POLE: variants seen among roughly 807,000 people sequenced by gnomAD.
POLE encodes the protein DNA polymerase epsilon catalytic subunit A.
Under a neutral mutation model 279.2 loss-of-function variants are expected in POLE, and 188 were observed. That is an observed-to-expected ratio of 0.67 (90% CI 0.60 to 0.76). The LOEUF (loss-of-function observed/expected upper bound fraction) is 0.76, where lower values mean the gene tolerates loss of function less well. POLE is among the 30% of genes least tolerant of loss of function. The pLI, the probability that POLE is intolerant of heterozygous loss-of-function variation, is 0.00. For missense variants in POLE, 2,703 were observed against 3,016.7 expected, an observed-to-expected ratio of 0.90 and a Z score of 2.44; for synonymous variants, 1,214 against 1,172.5, an observed-to-expected ratio of 1.04 and a Z score of -0.72.
At chr12:132,641,166 C>T in intron 39 of POLE, 1 of 428,718 alleles carries the variant, frequency 2.3e-6, no homozygotes, top group South Asian at 1.7e-5. Context: ...TCCTGGTACA[C>T]AGCAAGCATT....
Position 132,634,486 on chromosome 12 carries a change from A to C in POLE, c.5812-108T>G. 3 of 1,071,030 alleles carry C rather than the reference A, an allele frequency of 2.8e-6. No homozygotes were observed. The highest frequency in any genetic ancestry group is 4.1e-6 in the Non-Finnish European group (3 of 727,192). The allele number at this position is 1,071,030 out of a possible 1,614,324, so 66.3% of individuals were successfully genotyped here. On this transcript the variant is annotated intron_variant, in intron 42 of 48. Transcript: ENST00000320574. The surrounding 1 kb of genome is among the most constrained non-coding windows in gnomAD (Gnocchi z 4.0). ...AACCTGGGTCCATCTGCCCCGTTTG[A>C]CCAGAGGCCTTCCTCGCAGTCAAGG...
intron 41 of POLE, among the ~76,000 whole-genome samples, chr12:132,637,096 A>G (rs2042049844): frequency 6.6e-6 from 1 of 152,234 alleles, no homozygotes; most frequent in Non-Finnish European, 1.5e-5. Flanking sequence ...GTGACCACTG[A>G]CCATCAAGGC....
At chr12:132,626,498 G>A (rs879536915) in intron 45 of POLE, among the ~76,000 whole-genome samples, 181 bp from the exon 46 acceptor site, 7 of 152,160 alleles carry the variant, frequency 4.6e-5, no homozygotes, top group Non-Finnish European at 1.0e-4. Flanking sequence ...GTGAGGACAG[G>A]CTTCCCTGGG....
At chr12:132,625,960 G>T in intron 46 of POLE, 157 bp downstream of exon 46, 1 of 1,093,556 alleles carries the variant, frequency 9.1e-7, no homozygotes, top group Non-Finnish European at 1.3e-6. Context: ...CGAACATGGT[G>T]TGGGGAGGCC....
chr12:132,668,713 T>C lies in POLE; in HGVS notation c.1948A>G (p.Thr650Ala). 1 of 1,614,004 alleles carries C rather than the reference T, an allele frequency of 6.2e-7. No individual in the cohort carries two copies. The highest frequency in any genetic ancestry group is 8.5e-7 in the Non-Finnish European group (1 of 1,179,912). Reference sequence around the variant, plus strand: ...TTATTGAAGTCACAGGCAGCACAGGTGGCTTCGTCCACCATGGCAGAGGGC... The same window carrying C: ...TTATTGAAGTCACAGGCAGCACAGGCGGCTTCGTCCACCATGGCAGAGGGC... ...LQPSAMVDEATCAACDFNKPG... is the reference protein window; with the variant it reads ...LQPSAMVDEAACAACDFNKPG... The change falls in exon 18 of 49, where the codon ACC (threonine) becomes GCC (alanine). Residue 650 changes from threonine to alanine, a missense_variant. Physicochemically the swap from Thr to Ala is moderately conservative, Grantham distance 58. Around this residue, in one of 5 missense-constraint regions of POLE, gnomAD observed 1,011 missense variants for 1,111.7 expected, o/e 0.91. Transcript: ENST00000320574. The surrounding 1 kb of genome is among the most constrained non-coding windows in gnomAD (Gnocchi z 4.0).
Position 132,664,474 on chromosome 12 carries a change from C to A in POLE, c.2469-12G>T. On this transcript the variant is annotated splice_polypyrimidine_tract_variant and intron_variant, in intron 21 of 48. Coordinates refer to ENST00000320574, the MANE Select transcript of POLE (RefSeq NM_006231.4). The surrounding 1 kb of genome is among the most constrained non-coding windows in gnomAD (Gnocchi z 5.3). ...AGTACCAGCGAGCCCTGAGAGGACA[C>A]CACAAACTGGTGGGTGGGGCTGGCA... The A allele has an allele frequency of 1.9e-6, 3 of 1,610,124 alleles. No homozygotes were observed. The highest frequency in any genetic ancestry group is 1.7e-6 in the Non-Finnish European group (2 of 1,176,660).
intron 32 of POLE, among the ~76,000 whole-genome samples, chr12:132,644,323 C>CT (rs57257940): frequency 0.11 from 11,479 of 107,686 alleles, 984 homozygotes; most frequent in Non-Finnish European, 0.12. Flanking sequence ...CCACGGATGG[C>CT]TTTTTTTTTT....
At chr12:132,676,802 C>T in intron 8 of POLE, 149 bp from the exon 9 acceptor site, 2 of 620,102 alleles carry the variant, frequency 3.2e-6, no homozygotes, top group Non-Finnish European at 5.8e-6. Context: ...GACTAACCAA[C>T]CTACATCAAG....
rs142508245 is a variant in POLE at position 132,643,252 on chromosome 12, C to A, written c.4523G>T (p.Arg1508Leu). The A allele has an allele frequency of 6.2e-7, 1 of 1,613,786 alleles. No homozygotes were observed. The highest frequency in any genetic ancestry group is 8.5e-7 in the Non-Finnish European group (1 of 1,180,008). Residue 1508 changes from arginine to leucine, a missense_variant, in exon 35 of 49, where the codon CGC becomes CTC. Transcript: ENST00000320574. ...ALFGIFIPSQ[R>L]RASVFVLDTV... ...GTCCAGCACAAAGACGGATGCCCTGCGCTGTGAGGGGATGAAGATCCCGAA... is the reference window on the plus strand; with the variant it reads ...GTCCAGCACAAAGACGGATGCCCTGAGCTGTGAGGGGATGAAGATCCCGAA...
At chr12:132,636,374 C>G (rs900319786) in intron 41 of POLE, among the ~76,000 whole-genome samples, 1 of 145,622 alleles carries the variant, frequency 6.9e-6, no homozygotes, top group Admixed American at 7.2e-5. Flanking sequence ...CTATCGTCAT[C>G]CTTGTCACTC....
At position 132,624,077 on chromosome 12, in the gene POLE, T is replaced by TA. The variant is rs1342248210; in HGVS notation, c.*619dup. On this transcript the variant is annotated 3_prime_UTR_variant, in exon 49 of 49. Transcript: ENST00000320574. ...AGAGGTCTTGTTTTCCTGAGGCTGATAGAGGGTTCCCTCTAGACCCGGCTC... is the reference window on the plus strand; with the variant it reads ...AGAGGTCTTGTTTTCCTGAGGCTGATAAGAGGGTTCCCTCTAGACCCGGCTC... 3 of 207,488 alleles carry TA rather than the reference T, an allele frequency of 1.4e-5. No homozygotes were observed. Among genetic ancestry groups the TA allele is most frequent in the Admixed American group, 5.9e-5 (1 of 16,962 alleles). The allele number at this position is 207,488 out of a possible 1,614,324, so 12.9% of individuals were successfully genotyped here. A position where few individuals can be genotyped will look rare whatever the true frequency, so the allele number is the denominator to read the frequency against.
intron 23 of POLE, among the ~76,000 whole-genome samples, chr12:132,663,656 G>T (rs1305976237): frequency 6.6e-6 from 1 of 152,172 alleles, no homozygotes; most frequent in Non-Finnish European, 1.5e-5. Context: ...ACAGACATAG[G>T]TTTCTTAGTT....
intron 16 of POLE, among the ~76,000 whole-genome samples, chr12:132,671,643 C>G (rs2042930534): frequency 6.8e-6 from 1 of 145,990 alleles, no homozygotes; most frequent in Admixed American, 6.9e-5. Flanking sequence ...CACTCCAGCC[C>G]AGGCCAACAA....
In POLE at chr12:132,636,112, C is replaced by T. The variant is rs550001100; in HGVS notation, c.5679-88G>A. On this transcript the variant is annotated intron_variant, in intron 41 of 48. Coordinates refer to ENST00000320574, the MANE Select transcript of POLE (RefSeq NM_006231.4). ...ATTTCCCCTTGTATCTATCTGTACC[C>T]TCCACTTACTTAACACTGAATTTGA... 6.9e-6 allele frequency: 9 copies of T among 1,302,136 alleles called. No individual in the cohort carries two copies. The South Asian group carries it at 7.3e-5, about 11-fold the overall frequency. The allele number at this position is 1,302,136 out of a possible 1,614,324, so 80.7% of individuals were successfully genotyped here. A position where few individuals can be genotyped will look rare whatever the true frequency, so the allele number is the denominator to read the frequency against.
chr12:132,643,384 T>C (rs768474673), intron 34 of POLE, 23 bp downstream of exon 34: 3 of 1,614,172 alleles, frequency 1.9e-6, no homozygotes, highest in South Asian at 1.1e-5. Context: ...AGGCACATGA[T>C]GGGCGGCTGG....
At chr12:132,682,676 G>A (rs892271593) in intron 1 of POLE, among the ~76,000 whole-genome samples, 2 of 152,094 alleles carry the variant, frequency 1.3e-5, no homozygotes, top group African/African-American at 4.8e-5. Context: ...TGAGGGCCAG[G>A]CGCAGTGGCT....
rs1593783873 is a variant in POLE at position 132,664,841 on chromosome 12, C to A, written c.2469-379G>T. Among the ~76,000 whole-genome samples, 2 of 152,078 alleles carry A rather than the reference C, an allele frequency of 1.3e-5. No homozygotes were observed. The highest frequency in any genetic ancestry group is 4.8e-5 in the African/African-American group (2 of 41,396). ...AGAAAGCCCAGGCCTAGCTGCCAGG[C>A]CCAACCCTCCTCCAGCCTGGGTCCC... On this transcript the variant is annotated intron_variant, in intron 21 of 48. Coordinates refer to ENST00000320574, the MANE Select transcript of POLE (RefSeq NM_006231.4). The surrounding 1 kb of genome is among the most constrained non-coding windows in gnomAD (Gnocchi z 5.3).
At chr12:132,658,441 T>C (rs2042598399) in intron 26 of POLE, 2 of 161,524 alleles carry the variant, frequency 1.2e-5, no homozygotes, top group Non-Finnish European at 1.4e-5. Flanking sequence ...AAGACATGCG[T>C]GTGTGCGTAA....
At chr12:132,672,934 A>C in intron 14 of POLE, 95 bp from the exon 15 acceptor site, 1 of 1,174,972 alleles carries the variant, frequency 8.5e-7, no homozygotes, top group Non-Finnish European at 1.2e-6. Context: ...TCAGTGTGAA[A>C]GGAGAGAAAA....
Sources: allele counts gnomAD v4.1 joint callset (sites outside exome capture counted in the v4.1 genomes callset), GRCh38; gene constraint gnomAD v4.1.1; regional missense constraint gnomAD v4.1.1; non-coding constraint Gnocchi (gnomAD v3.1); transcripts MANE v1.5; gene names NCBI Gene and HGNC (gene_info 2026-07-23, HGNC 2026-07-21).